The following ACSF2 variants were observed in gnomAD, a reference collection of about 807,000 sequenced individuals.
ACSF2 encodes the protein medium-chain acyl-CoA ligase ACSF2, mitochondrial.
ACSF2 carries 52 observed loss-of-function variants against 79.3 expected under a neutral mutation model. The observed-to-expected ratio is 0.66, with a 90% CI of 0.53 to 0.83. ACSF2 has a LOEUF of 0.83. Among genes scored for constraint, ACSF2 ranks in the 40% least tolerant of loss-of-function variants. ACSF2 has a pLI of 0.00. For synonymous variants in ACSF2, 283 were observed against 312.6 expected, an observed-to-expected ratio of 0.91 and a Z score of 1.00; for missense variants, 661 against 803.3, an observed-to-expected ratio of 0.82 and a Z score of 2.14.
At chr17:50,435,279 G>A (rs989506405) in intron 1 of ACSF2, among the ~76,000 whole-genome samples, 2 of 152,122 alleles carry the variant, frequency 1.3e-5, no homozygotes, top group Admixed American at 1.3e-4. Context: ...ACAGCTCAAT[G>A]TTTCAGAGTT....
chr17:50,436,351 G>C (rs546165740), intron 1 of ACSF2, among the ~76,000 whole-genome samples: 2 of 151,848 alleles, frequency 1.3e-5, no homozygotes, highest in Non-Finnish European at 2.9e-5. Context: ...AGTTGGTCTC[G>C]ATCTCCTGAC....
In ACSF2 at chr17:50,458,579, A is replaced by T. The variant is rs527283143; in HGVS notation, c.129-2098A>T. On this transcript the variant is annotated intron_variant, in intron 1 of 15. Transcript: ENST00000300441. ...GGCCCCTTCCTTATCTCAGCTTTCT[A>T]AACATACATTCATCATTACCAAGGT... Among the ~76,000 whole-genome samples the T allele has an allele frequency of 2.8e-4, 42 of 152,274 alleles. No individual in the cohort carries two copies. In the South Asian group the frequency reaches 8.7e-3, roughly 32 times the overall value.
At chr17:50,433,168 G>A (rs1287104928) in intron 1 of ACSF2, among the ~76,000 whole-genome samples, 4 of 150,298 alleles carry the variant, frequency 2.7e-5, no homozygotes, top group Non-Finnish European at 4.4e-5. Context: ...GTACAGTGGC[G>A]CGATCTGGGC....
intron 1 of ACSF2, among the ~76,000 whole-genome samples, chr17:50,428,077 A>C (rs1020123287): frequency 1.3e-5 from 2 of 152,158 alleles, no homozygotes; most frequent in Non-Finnish European, 1.5e-5. Context: ...TAATCTCAGC[A>C]CTTTGGAAAG....
At chr17:50,430,353 A>T (rs1426843899) in intron 1 of ACSF2, among the ~76,000 whole-genome samples, 3 of 152,208 alleles carry the variant, frequency 2.0e-5, no homozygotes, top group Non-Finnish European at 4.4e-5. Context: ...TCTGATGAGC[A>T]GCAGTTACAA....
intron 10 of ACSF2, chr17:50,465,262 G>C (rs747134942): frequency 3.7e-6 from 6 of 1,613,262 alleles, no homozygotes; most frequent in Non-Finnish European, 5.1e-6. Flanking sequence ...CACCAAAGAG[G>C]GACATAGGGG....
At chr17:50,450,465 C>T (rs2031596793) in intron 1 of ACSF2, 1 of 150,938 alleles carries the variant, frequency 6.6e-6, no homozygotes, top group African/African-American at 2.4e-5. Context: ...CATGCCACTG[C>T]ACTCCAGCCT....
intron 1 of ACSF2, 191 bp from the exon 2 acceptor site, chr17:50,460,486 G>A (rs946301476): frequency 1.6e-6 from 1 of 606,940 alleles, no homozygotes; most frequent in African/African-American, 1.9e-5. Context: ...CTGTCCTGCT[G>A]CCTTGGGATT....
chr17:50,466,200 C>G (rs2032712346), intron 10 of ACSF2, among the ~76,000 whole-genome samples: 1 of 151,588 alleles, frequency 6.6e-6, no homozygotes, highest in Admixed American at 6.6e-5. Context: ...CATTCTCCGG[C>G]CTCAGCCTCC....
chr17:50,465,094 T>C (rs2032610124), intron 10 of ACSF2: 2 of 614,928 alleles, frequency 3.3e-6, no homozygotes, highest in Non-Finnish European at 5.7e-6. Flanking sequence ...ACAACACAGA[T>C]GATGCTTGAA....
chr17:50,471,437 C>G lies in ACSF2; in HGVS notation c.1323+302C>G, dbSNP rs1236520535. 2.4e-6 allele frequency: 1 copy of G among 411,236 alleles called. No individual in the cohort carries two copies. The highest frequency in any genetic ancestry group is 2.0e-5 in the African/African-American group (1 of 49,802). 25.5% of individuals were successfully genotyped at this position (411,236 alleles called of 1,614,324 possible). On this transcript the variant is annotated intron_variant, in intron 11 of 15. Transcript: ENST00000300441. The surrounding 1 kb of genome is among the most constrained non-coding windows in gnomAD (Gnocchi z 4.1). The stretch of plus-strand genomic sequence containing the variant: ...GTCTGTTTCAGGGCAGCCAGGGTAG[C>G]CTCAAAGAGGAGCCAGAGCACAGAG...
At chr17:50,444,140 T>C (rs1423550104) in intron 1 of ACSF2, among the ~76,000 whole-genome samples, 1 of 152,256 alleles carries the variant, frequency 6.6e-6, no homozygotes, top group Non-Finnish European at 1.5e-5. Flanking sequence ...ATGTTTCATT[T>C]ATTACAGTAT....
rs1024364094 is a variant in ACSF2 at position 50,473,995 on chromosome 17, CA to C, written c.1722del (p.Lys576ArgfsTer38). ...TTVEEIKAFC[K>X]GKISHFKIPK... ...CGGTGGAGGAGATAAAAGCTTTCTG[CA>C]AAGGGAAGGTGGGAGCCTCCGCTCA... On this transcript the variant is annotated frameshift_variant, in exon 14 of 16. Transcript: ENST00000300441. LOFTEE classifies it high-confidence loss of function. The C allele has an allele frequency of 2.6e-6, 4 of 1,513,358 alleles. No individual in the cohort carries two copies. Among genetic ancestry groups the C allele is most frequent in the Non-Finnish European group, 3.5e-6 (4 of 1,130,332 alleles). 93.7% of individuals were successfully genotyped at this position (1,513,358 alleles called of 1,614,324 possible). A position where few individuals can be genotyped will look rare whatever the true frequency, so the allele number is the denominator to read the frequency against.
At chr17:50,460,203 C>T (rs900886580) in intron 1 of ACSF2, 4 of 456,486 alleles carry the variant, frequency 8.8e-6, no homozygotes, top group African/African-American at 8.0e-5. Flanking sequence ...GGCTTTCAGG[C>T]CCTCAGGAGA....
intron 11 of ACSF2, 48 bp from the exon 12 acceptor site, chr17:50,472,380 C>T: frequency 1.3e-6 from 2 of 1,590,810 alleles, no homozygotes; most frequent in Non-Finnish European, 1.7e-6. Flanking sequence ...ACCACCTATC[C>T]TGAAGCAAGA....
chr17:50,469,097 C>A, intron 10 of ACSF2: 1 of 1,189,978 alleles, frequency 8.4e-7, no homozygotes, highest in Non-Finnish European at 1.0e-6. Context: ...GAGCCCTGAG[C>A]CCCGGCTGTA....
At chr17:50,465,955 T>C (rs2032681901) in intron 10 of ACSF2, 2 of 1,475,208 alleles carry the variant, frequency 1.4e-6, no homozygotes, top group Admixed American at 3.4e-5. Flanking sequence ...GGCAGGATCC[T>C]TCCCTGAACC....
chr17:50,439,232 C>CCTTTTTTTTTTTTTTTTTTTTT (rs1296228793), intron 1 of ACSF2, among the ~76,000 whole-genome samples: 3 of 96,462 alleles, frequency 3.1e-5, no homozygotes, highest in African/African-American at 9.4e-5. Context: ...TACCACACAG[C>CCTTTTTTTTTTTTTTTTTTTTT]TTTTTTTTTT....
At chr17:50,433,581 G>T (rs1357680844) in intron 1 of ACSF2, among the ~76,000 whole-genome samples, 1 of 152,244 alleles carries the variant, frequency 6.6e-6, no homozygotes, top group East Asian at 1.9e-4. Context: ...TTCTCCTGGG[G>T]TCTCTGTCCA....
Sources: allele counts gnomAD v4.1 joint callset (sites outside exome capture counted in the v4.1 genomes callset), GRCh38; gene constraint gnomAD v4.1.1; non-coding constraint Gnocchi (gnomAD v3.1); transcripts MANE v1.5; gene names NCBI Gene and HGNC (gene_info 2026-07-23, HGNC 2026-07-21).